The following PCDHA3 variants were observed in gnomAD, a reference collection of about 807,000 sequenced individuals.
The protein encoded by PCDHA3 is protocadherin alpha-3.
PCDHA3 carries 41 observed loss-of-function variants against 62.2 expected under a neutral mutation model. The observed-to-expected ratio is 0.66, with a 90% CI of 0.51 to 0.86. PCDHA3 has a LOEUF of 0.86. Among genes scored for constraint, PCDHA3 ranks in the 40% least tolerant of loss-of-function variants. The pLI is 0.00. For synonymous variants in PCDHA3, 640 were observed against 555.4 expected (o/e 1.15, Z -2.14); for missense variants, 1,304 against 1,241.2 (o/e 1.05, Z -0.76).
intron 1 of PCDHA3, among the ~76,000 whole-genome samples, chr5:140,936,526 C>T (rs183606913): frequency 6.6e-6 from 1 of 152,302 alleles, no homozygotes; most frequent in East Asian, 1.9e-4. Flanking sequence ...CCTGAAATTG[C>T]TTTTGAATAT....
chr5:140,896,092 TG>T (rs2065379013), intron 1 of PCDHA3, among the ~76,000 whole-genome samples: 1 of 152,194 alleles, frequency 6.6e-6, no homozygotes, highest in Non-Finnish European at 1.5e-5. Context: ...ATTACAGGCG[TG>T]AGCCACTGTG....
rs1554140265 is a variant in PCDHA3 at position 140,843,611 on chromosome 5, C to T, written c.2394+40020C>T. ...GCAGAGGGTGTGCTCTGGTGAGGGG[C>T]CACCGAAGACGGACCTCATGGCCTT... On this transcript the variant is annotated intron_variant, in intron 1 of 3. Coordinates refer to ENST00000522353, the MANE Select transcript of PCDHA3 (RefSeq NM_018906.3). 7 of 1,595,892 alleles carry T rather than the reference C, an allele frequency of 4.4e-6. 1 individual carries two copies. Among genetic ancestry groups the T allele is most frequent in the Non-Finnish European group, 6.0e-6 (7 of 1,165,418 alleles).
chr5:140,952,923 C>CAGGA (rs1455819119), intron 1 of PCDHA3, among the ~76,000 whole-genome samples: 1 of 151,990 alleles, frequency 6.6e-6, no homozygotes, highest in Non-Finnish European at 1.5e-5. Flanking sequence ...ATGGCATGAG[C>CAGGA]AGGAGCAGGA....
At chr5:140,821,429 A>G (rs1562259189) in intron 1 of PCDHA3, 1 of 191,712 alleles carries the variant, frequency 5.2e-6, no homozygotes, top group African/African-American at 2.4e-5. Context: ...ATATATTTTG[A>G]CTAGAGATAA....
At chr5:140,837,003 A>T (rs1386958207) in intron 1 of PCDHA3, 2 of 326,856 alleles carry the variant, frequency 6.1e-6, no homozygotes, top group Admixed American at 8.8e-5. Flanking sequence ...AACTGGAGCA[A>T]TGGATTCACC....
intron 1 of PCDHA3, chr5:140,836,765 A>G (rs200916074): frequency 3.4e-5 from 53 of 1,563,040 alleles, no homozygotes; most frequent in Middle Eastern, 1.7e-4. Context: ...CTTGTTTCCA[A>G]CAATTTTAAA....
intron 1 of PCDHA3, among the ~76,000 whole-genome samples, chr5:140,950,285 C>T (rs1314594266): frequency 1.3e-5 from 2 of 151,926 alleles, no homozygotes; most frequent in African/African-American, 4.8e-5. Context: ...TTTGCTTCAA[C>T]CTGAAAAACT....
At chr5:140,929,353 C>T in intron 1 of PCDHA3, 1 of 1,527,090 alleles carries the variant, frequency 6.5e-7, no homozygotes, top group Non-Finnish European at 8.8e-7. Context: ...AATTTGATTC[C>T]TTTGGCCCGG....
rs1284722647 is a variant in PCDHA3, at chr5:140,822,989, C to T, written c.2394+19398C>T. 6.2e-7 allele frequency: 1 copy of T among 1,614,244 alleles called. No homozygotes were observed. The highest frequency in any genetic ancestry group is 1.7e-5 in the Admixed American group (1 of 60,036). On this transcript the variant is annotated intron_variant, in intron 1 of 3. Transcript: ENST00000522353. ...GTGTCCACCTTCAAGAATTACTACTCGTTGGTGCTGGACAGCGCCCTGGAC... is the reference window on the plus strand; with the variant it reads ...GTGTCCACCTTCAAGAATTACTACTTGTTGGTGCTGGACAGCGCCCTGGAC...
At chr5:140,926,708 C>T in intron 1 of PCDHA3, 2 of 896,260 alleles carry the variant, frequency 2.2e-6, no homozygotes, top group Non-Finnish European at 3.1e-6. Flanking sequence ...CCCAGCTGGC[C>T]AGCCCCGGCA....
At position 140,829,190 on chromosome 5, in the gene PCDHA3, A is replaced by G. The variant is rs1364701507; in HGVS notation, c.2394+25599A>G. The G allele has an allele frequency of 4.3e-6, 7 of 1,614,074 alleles. No homozygotes were observed. The Admixed American group carries it at 1.0e-4, about 23-fold the overall frequency. On this transcript the variant is annotated intron_variant, in intron 1 of 3. Coordinates refer to ENST00000522353, the MANE Select transcript of PCDHA3 (RefSeq NM_018906.3). ...TGTACGTGAAGACGCTCAATTTGGT[A>G]CTGTCATCGCCCTAATTAGCGTGAA... is the stretch of plus-strand genomic sequence containing the variant.
intron 1 of PCDHA3, among the ~76,000 whole-genome samples, chr5:140,971,989 T>C (rs1183313679): frequency 1.3e-5 from 2 of 152,170 alleles, no homozygotes; most frequent in African/African-American, 4.8e-5. Context: ...AGACAGAAGT[T>C]CCAATGTTTA....
rs140727388 is a variant in PCDHA3, at chr5:140,974,245, C to G, written c.2395-4704C>G. Among the ~76,000 whole-genome samples, 191 of 152,268 alleles carry G rather than the reference C, an allele frequency of 1.3e-3. 1 individual carries two copies. The highest frequency in any genetic ancestry group is 4.3e-3 in the African/African-American group (179 of 41,572). Reference sequence around the variant, plus strand: ...ATCTTAGTTCCTTGGCATATAAGCACCATCAGTTCCTTTCTGGCCTTCCAG... The same window carrying G: ...ATCTTAGTTCCTTGGCATATAAGCAGCATCAGTTCCTTTCTGGCCTTCCAG... On this transcript the variant is annotated intron_variant, in intron 1 of 3. Transcript: ENST00000522353.
intron 1 of PCDHA3, chr5:140,810,786 C>T (rs1372033546): frequency 7.2e-5 from 11 of 151,812 alleles, no homozygotes; most frequent in African/African-American, 2.7e-4. Flanking sequence ...TAGTTTTCAA[C>T]CTCATGGCTA....
chr5:140,873,657 C>T (rs1270824058), intron 1 of PCDHA3, among the ~76,000 whole-genome samples: 1 of 152,206 alleles, frequency 6.6e-6, no homozygotes, highest in Non-Finnish European at 1.5e-5. Flanking sequence ...ACATAACACA[C>T]TATTATTATT....
intron 1 of PCDHA3, chr5:140,882,195 T>C: frequency 1.3e-6 from 2 of 1,521,122 alleles, no homozygotes; most frequent in Non-Finnish European, 8.8e-7. Flanking sequence ...GCCATAAAAA[T>C]TGGGCCTTGA....
intron 1 of PCDHA3, chr5:140,860,465 T>C (rs12657479): frequency 6.6e-6 from 1 of 152,098 alleles, no homozygotes; most frequent in Admixed American, 6.5e-5. Flanking sequence ...GATAATACAG[T>C]TGGTGCAGTA....
chr5:141,007,981 T>C (rs1346324109), intron 3 of PCDHA3, among the ~76,000 whole-genome samples: 1 of 152,260 alleles, frequency 6.6e-6, no homozygotes, highest in African/African-American at 2.4e-5. Context: ...GTCATGTATA[T>C]ATGAAATGTA....
intron 1 of PCDHA3, among the ~76,000 whole-genome samples, chr5:140,950,569 T>C (rs969438550): frequency 1.3e-5 from 2 of 152,120 alleles, no homozygotes; most frequent in African/African-American, 2.4e-5. Context: ...TATTTTAAGG[T>C]TTTCTACTTA....
Sources: allele counts gnomAD v4.1 joint callset (sites outside exome capture counted in the v4.1 genomes callset), GRCh38; gene constraint gnomAD v4.1.1; transcripts MANE v1.5; gene names NCBI Gene and HGNC (gene_info 2026-07-23, HGNC 2026-07-21).